Variants in VAV2 observed in about 807,000 individuals in gnomAD.
The protein encoded by VAV2 is guanine nucleotide exchange factor VAV2.
In VAV2, 67 loss-of-function variants were observed where a neutral mutation model predicts 132.5. That is an observed-to-expected ratio of 0.51 (90% CI 0.42 to 0.62). VAV2 has a LOEUF of 0.62. Ranked by LOEUF, VAV2 falls within the 20% of genes least tolerant of loss-of-function variation. The probability of loss-of-function intolerance (pLI) is 0.00; values close to 1 mark genes in which losing one functional copy is unlikely to be tolerated. For missense variants in VAV2, 938 were observed against 1,153.6 expected, an observed-to-expected ratio of 0.81 and a Z score of 2.71; for synonymous variants, 492 against 443.5, an observed-to-expected ratio of 1.11 and a Z score of -1.37.
At chr9:133,937,495 TGTGTGCGTGTGA>T (rs896546159) in intron 2 of VAV2, among the ~76,000 whole-genome samples, 17 of 35,826 alleles carry the variant, frequency 4.7e-4, no homozygotes, top group Non-Finnish European at 1.7e-3. Context: ...GGTGCAAGAG[TGTGTGCGTGTGA>T]GTGTGTGTGC....
intron 17 of VAV2, 33 bp downstream of exon 17, chr9:133,785,743 C>T (rs1834191392): frequency 1.9e-6 from 3 of 1,604,382 alleles, no homozygotes; most frequent in South Asian, 1.1e-5. Context: ...ACTCATCTGC[C>T]AGGGACCTGG....
At chr9:133,764,702 G>A (rs1040813349) in intron 29 of VAV2, among the ~76,000 whole-genome samples, 3 of 152,152 alleles carry the variant, frequency 2.0e-5, no homozygotes, top group Non-Finnish European at 4.4e-5. Context: ...AAAGTGACTA[G>A]ATAGAAAACC....
At chr9:133,856,993 C>T (rs897839654) in intron 3 of VAV2, among the ~76,000 whole-genome samples, 6 of 152,190 alleles carry the variant, frequency 3.9e-5, no homozygotes, top group African/African-American at 1.4e-4. Flanking sequence ...CAGAGCAACC[C>T]CGCGAGGCAG....
chr9:133,810,663 G>A (rs1308501082), intron 5 of VAV2, among the ~76,000 whole-genome samples: 1 of 152,224 alleles, frequency 6.6e-6, no homozygotes, highest in Non-Finnish European at 1.5e-5. Flanking sequence ...CGGGACATAG[G>A]CAGCGCTGTT....
chr9:133,848,193 T>G (rs978395989), intron 3 of VAV2, among the ~76,000 whole-genome samples: 20 of 140,000 alleles, frequency 1.4e-4, no homozygotes, highest in Admixed American at 7.1e-4. Flanking sequence ...GGCAGGAGAA[T>G]GGCGTGAACC....
chr9:133,813,508 G>C (rs1335469628), intron 4 of VAV2, among the ~76,000 whole-genome samples: 1 of 152,222 alleles, frequency 6.6e-6, no homozygotes, highest in Non-Finnish European at 1.5e-5. Context: ...GTGCATTCGA[G>C]GAAGGCCCTC....
chr9:133,878,260 C>A (rs563798746), intron 2 of VAV2, among the ~76,000 whole-genome samples: 1 of 152,284 alleles, frequency 6.6e-6, no homozygotes, highest in South Asian at 2.1e-4. Flanking sequence ...GGCACCTCTG[C>A]GGCCGTAGGA....
At chr9:133,835,335 C>T (rs1836427002) in intron 3 of VAV2, among the ~76,000 whole-genome samples, 1 of 150,668 alleles carries the variant, frequency 6.6e-6, no homozygotes, top group Non-Finnish European at 1.5e-5. Context: ...AAGGCGAGCC[C>T]AGGCCAGCAC....
chr9:133,826,024 C>A lies in VAV2; in HGVS notation c.449+8248G>T, dbSNP rs979874817. ...TTCGCGGATACATTACATTCCCTGC[C>A]GTGTCACGATCACATTTGTTTAAGC... On this transcript the variant is annotated intron_variant, in intron 4 of 29. Coordinates refer to ENST00000371850, the MANE Select transcript of VAV2 (RefSeq NM_001134398.2). This position sits in a 1 kb window ranked among gnomAD's most constrained non-coding sequence, Gnocchi z 4.2. Among the ~76,000 whole-genome samples, 1 of 152,204 alleles carries A rather than the reference C, an allele frequency of 6.6e-6. No individual in the cohort carries two copies. Among genetic ancestry groups the A allele is most frequent in the Non-Finnish European group, 1.5e-5 (1 of 68,030 alleles).
intron 20 of VAV2, among the ~76,000 whole-genome samples, chr9:133,780,271 C>T (rs892196534): frequency 3.9e-5 from 6 of 152,182 alleles, no homozygotes; most frequent in Non-Finnish European, 5.9e-5. Flanking sequence ...GTGCCAAATA[C>T]GACTAAGTTT....
chr9:133,954,517 C>T (rs74481661), intron 1 of VAV2, among the ~76,000 whole-genome samples: 74 of 152,390 alleles, frequency 4.9e-4, no homozygotes, highest in African/African-American at 1.7e-3. Context: ...TCCACGCACG[C>T]CTGAAGGCTT....
In VAV2 at chr9:133,857,610, C is replaced by T. The variant is rs937893266; in HGVS notation, c.380+3764G>A. Among the ~76,000 whole-genome samples the T allele has an allele frequency of 2.6e-5, 4 of 152,146 alleles. No individual in the cohort carries two copies. The highest frequency in any genetic ancestry group is 7.2e-5 in the African/African-American group (3 of 41,414). ...TTTGCTAATCACTAACACTACAAAA[C>T]GCTCGAAATGAAATAGTGTCTTGTG... is the stretch of plus-strand genomic sequence containing the variant. On this transcript the variant is annotated intron_variant, in intron 3 of 29. Coordinates refer to ENST00000371850, the MANE Select transcript of VAV2 (RefSeq NM_001134398.2). The surrounding 1 kb of genome is among the most constrained non-coding windows in gnomAD (Gnocchi z 4.0).
intron 2 of VAV2, among the ~76,000 whole-genome samples, chr9:133,864,114 C>T (rs1471927275): frequency 6.6e-6 from 1 of 152,194 alleles, no homozygotes; most frequent in Non-Finnish European, 1.5e-5. Flanking sequence ...ATGACATTTT[C>T]CCTACTTTTA....
At chr9:133,972,036 G>A (rs985993382) in intron 1 of VAV2, among the ~76,000 whole-genome samples, 7 of 152,068 alleles carry the variant, frequency 4.6e-5, no homozygotes, top group South Asian at 2.1e-4. Context: ...CACACAGCGC[G>A]GATGCAGACC....
chr9:133,964,428 CAT>C (rs1452539240), intron 1 of VAV2, among the ~76,000 whole-genome samples: 2 of 151,912 alleles, frequency 1.3e-5, no homozygotes, highest in African/African-American at 4.8e-5. Flanking sequence ...ATATAATACA[CAT>C]ATTTATGTAT....
At chr9:133,864,443 G>A (rs549006974) in intron 2 of VAV2, among the ~76,000 whole-genome samples, 3 of 152,342 alleles carry the variant, frequency 2.0e-5, no homozygotes, top group Admixed American at 1.3e-4. Flanking sequence ...AGAGCTCAGA[G>A]GACAGGCTGT....
rs531761336 is a variant in VAV2, at chr9:133,991,263, C to T, written c.204+812G>A. ...GGAGAACAGGACGGAAGCCTCGATT[C>T]TCTCAAGTCTTAGCCAAGTTCCCTC... On this transcript the variant is annotated intron_variant, in intron 1 of 29. Coordinates refer to ENST00000371850, the MANE Select transcript of VAV2 (RefSeq NM_001134398.2). This position sits in a 1 kb window ranked among gnomAD's most constrained non-coding sequence, Gnocchi z 4.8. Among the ~76,000 whole-genome samples the T allele has an allele frequency of 1.4e-4, 21 of 152,318 alleles. No homozygotes were observed. Among genetic ancestry groups the T allele is most frequent in the Admixed American group, 1.3e-3 (20 of 15,312 alleles).
Position 133,807,204 on chromosome 9 carries a change from G to C in VAV2, c.735+54C>G, listed in dbSNP as rs879026480. 1.5e-5 allele frequency: 24 copies of C among 1,574,478 alleles called. No individual in the cohort carries two copies. The South Asian group carries it at 2.8e-4, about 19-fold the overall frequency. On this transcript the variant is annotated intron_variant, in intron 8 of 29. Transcript: ENST00000371850. ...GAGGACAGCAGGACATGTGTGGCCA[G>C]TGCCGAGTTAGGGCCCCGAGCCTGG...
chr9:133,846,312 G>A (rs1168378733), intron 3 of VAV2, among the ~76,000 whole-genome samples: 1 of 152,154 alleles, frequency 6.6e-6, no homozygotes, highest in Non-Finnish European at 1.5e-5. Context: ...GGCACCTCCT[G>A]TCGGCACCTC....
Sources: gnomAD v4.1 joint callset for allele counts (sites outside exome capture counted in the v4.1 genomes callset) on GRCh38, gnomAD v4.1.1 for gene constraint, Gnocchi (gnomAD v3.1) non-coding constraint, MANE v1.5 for transcripts, NCBI Gene and HGNC (gene_info 2026-07-23, HGNC 2026-07-21) for gene names.